Variants in PHF21A observed in about 807,000 individuals in gnomAD.
PHF21A encodes PHD finger protein 21A, also known as BHC80a.
Under a neutral mutation model 82.5 loss-of-function variants are expected in PHF21A, and 11 were observed. The ratio of observed to expected loss-of-function variants is 0.13; its 90% confidence interval spans 0.08 to 0.22. The LOEUF (loss-of-function observed/expected upper bound fraction) is 0.22, where lower values mean the gene tolerates loss of function less well. Among genes scored for constraint, PHF21A ranks in the 10% least tolerant of loss-of-function variants. The probability of loss-of-function intolerance (pLI) is 1.00; values close to 1 mark genes in which losing one functional copy is unlikely to be tolerated. For missense variants in PHF21A, 579 were observed against 837.8 expected, an observed-to-expected ratio of 0.69 and a Z score of 3.81; for synonymous variants, 297 against 302.8, an observed-to-expected ratio of 0.98 and a Z score of 0.20.
At chr11:45,985,741 A>T (rs1471850311) in intron 6 of PHF21A, among the ~76,000 whole-genome samples, 1 of 152,174 alleles carries the variant, frequency 6.6e-6, no homozygotes, top group Non-Finnish European at 1.5e-5. Context: ...AAAAGTACAT[A>T]TCCTTTTAAA....
chr11:46,051,057 C>T (rs1163941208), intron 6 of PHF21A, among the ~76,000 whole-genome samples: 1 of 152,200 alleles, frequency 6.6e-6, no homozygotes, highest in East Asian at 1.9e-4. Context: ...GCAGATTGTA[C>T]TCCTTCCTGG....
chr11:45,955,274 T>A (rs962254093), intron 10 of PHF21A, among the ~76,000 whole-genome samples: 1 of 107,494 alleles, frequency 9.3e-6, no homozygotes, highest in Admixed American at 1.2e-4. Context: ...CTCAAGTCTT[T>A]CTCTCTCCAA....
At chr11:46,042,595 A>C (rs758673710) in intron 6 of PHF21A, among the ~76,000 whole-genome samples, 18 of 152,158 alleles carry the variant, frequency 1.2e-4, no homozygotes, top group Non-Finnish European at 2.4e-4. Context: ...TGACTAGGAC[A>C]TGGTGCTAGA....
In PHF21A at chr11:45,958,396, C is replaced by CA. The variant is rs1159762183; in HGVS notation, c.997-4772dup. On this transcript the variant is annotated intron_variant, in intron 10 of 18. Transcript: ENST00000676320. The stretch of plus-strand genomic sequence containing the variant: ...TGAGCAACATGACAAAACCTGGTCT[C>CA]AAAAAAAAAAAAAAAAAAAAAAAAT... 8.4e-3 allele frequency among the ~76,000 whole-genome samples: 9 copies of CA among 1,066 alleles called. 2 individuals carry two copies. The highest frequency in any genetic ancestry group is 8.9e-3 in the African/African-American group (3 of 338). The allele number at this position is 1,066 out of a possible 152,430, so 0.7% of individuals were successfully genotyped here. A position where few individuals can be genotyped will look rare whatever the true frequency, so the allele number is the denominator to read the frequency against.
At chr11:46,105,851 A>G (rs980853190) in intron 1 of PHF21A, among the ~76,000 whole-genome samples, 3 of 152,256 alleles carry the variant, frequency 2.0e-5, no homozygotes, top group Non-Finnish European at 4.4e-5. Context: ...GATTCTGAAT[A>G]TCTTGATAGG....
At chr11:46,073,359 TAG>T (rs2134825236) in intron 6 of PHF21A, among the ~76,000 whole-genome samples, 1 of 151,964 alleles carries the variant, frequency 6.6e-6, no homozygotes, top group East Asian at 1.9e-4. Context: ...ATTCTCTGAT[TAG>T]AGTGGTTCAT....
intron 6 of PHF21A, among the ~76,000 whole-genome samples, chr11:46,069,643 T>C (rs1415898884): frequency 1.3e-5 from 2 of 152,210 alleles, no homozygotes; most frequent in African/African-American, 4.8e-5. Flanking sequence ...ATTTGATAGA[T>C]AAAGGTCTAC....
intron 6 of PHF21A, among the ~76,000 whole-genome samples, chr11:46,041,520 T>C (rs760843401): frequency 5.1e-4 from 78 of 152,216 alleles, no homozygotes; most frequent in Non-Finnish European, 8.8e-4. Flanking sequence ...TGGTTTCAAT[T>C]ATAGCCAGGC....
rs1452859819 is a variant in PHF21A at position 45,971,905 on chromosome 11, T to TTTTA, written c.361-539_361-538insTAAA. Among the ~76,000 whole-genome samples, 197 of 89,952 alleles carry TTTTA rather than the reference T, an allele frequency of 2.2e-3. 36 individuals are homozygous for TTTTA. The highest frequency in any genetic ancestry group is 7.7e-3 in the African/African-American group (186 of 24,014). 59.0% of individuals were successfully genotyped at this position (89,952 alleles called of 152,430 possible). On this transcript the variant is annotated intron_variant, in intron 7 of 18. Transcript: ENST00000676320. ...CTTTTTCTTTCTTTTTTTTTTTTTT[T>TTTTA]ATGGTGTCACCCTGGAGAGAAGGAA...
chr11:46,016,115 G>A (rs890867632), intron 6 of PHF21A, among the ~76,000 whole-genome samples: 2 of 152,128 alleles, frequency 1.3e-5, no homozygotes, highest in African/African-American at 2.4e-5. Flanking sequence ...AATGTATTAC[G>A]CTACCAAGTA....
intron 16 of PHF21A, 81 bp from the exon 17 acceptor site, chr11:45,936,650 TGGC>T: frequency 4.5e-6 from 4 of 891,566 alleles, no homozygotes; most frequent in Non-Finnish European, 7.5e-6. Context: ...GTGGTATCTG[TGGC>T]TACTGGCAGA....
intron 3 of PHF21A, among the ~76,000 whole-genome samples, chr11:46,086,277 C>A (rs1479957155): frequency 2.6e-5 from 4 of 152,092 alleles, no homozygotes; most frequent in Non-Finnish European, 5.9e-5. Context: ...CGCCACTACA[C>A]CCGGCTAATT....
rs112488690 is a variant in PHF21A, at chr11:45,988,540, A to G, written c.154-8574T>C. Among the ~76,000 whole-genome samples, 22 of 152,356 alleles carry G rather than the reference A, an allele frequency of 1.4e-4. No individual in the cohort carries two copies. In the South Asian group the frequency reaches 2.5e-3, roughly 17 times the overall value. ...TATCACACTCTTGATGCTTAAAATC[A>G]TAATTTAAAAAATCATCTACAGTAA... On this transcript the variant is annotated intron_variant, in intron 6 of 18. Coordinates refer to ENST00000676320, the MANE Select transcript of PHF21A (RefSeq NM_001352027.3).
intron 6 of PHF21A, among the ~76,000 whole-genome samples, chr11:46,070,997 A>G (rs1213575645): frequency 2.0e-5 from 3 of 152,212 alleles, no homozygotes; most frequent in Non-Finnish European, 4.4e-5. Context: ...ATACATGGTT[A>G]AAAATTTTTT....
At position 46,015,374 on chromosome 11, in the gene PHF21A, T is replaced by C. The variant is rs138654557; in HGVS notation, c.154-35408A>G. Among the ~76,000 whole-genome samples, 9 of 152,336 alleles carry C rather than the reference T, an allele frequency of 5.9e-5. No individual in the cohort carries two copies. The East Asian group carries it at 1.7e-3, about 29-fold the overall frequency. ...GGTCCCAAATGTCAATTTTTGTTTT[T>C]GTTACAATTACTTTTGAGGACTTAG... On this transcript the variant is annotated intron_variant, in intron 6 of 18. Coordinates refer to ENST00000676320, the MANE Select transcript of PHF21A (RefSeq NM_001352027.3).
intron 6 of PHF21A, among the ~76,000 whole-genome samples, chr11:46,067,081 TTATG>T (rs1207503424): frequency 6.6e-6 from 1 of 152,216 alleles, no homozygotes; most frequent in Non-Finnish European, 1.5e-5. Flanking sequence ...CTAATGCACC[TTATG>T]TATTACTTAC....
chr11:45,979,650 G>C, intron 7 of PHF21A, 110 bp downstream of exon 7: 1 of 1,482,244 alleles, frequency 6.7e-7, no homozygotes, highest in East Asian at 2.3e-5. Context: ...AATAACTTTT[G>C]TTTAGTTCTA....
chr11:46,073,606 T>C (rs2096683026), intron 6 of PHF21A, among the ~76,000 whole-genome samples: 1 of 152,198 alleles, frequency 6.6e-6, no homozygotes, highest in South Asian at 2.1e-4. Context: ...TGACACTGTT[T>C]TTGCATACGT....
intron 6 of PHF21A, among the ~76,000 whole-genome samples, chr11:46,028,712 TACAGGCGCCCGCC>T (rs1413249449): frequency 6.6e-6 from 1 of 152,028 alleles, no homozygotes; most frequent in African/African-American, 2.4e-5. Flanking sequence ...TAGCTGGGAT[TACAGGCGCCCGCC>T]ACCACGCCCA....
Sources: allele counts gnomAD v4.1 joint callset (sites outside exome capture counted in the v4.1 genomes callset), GRCh38; gene constraint gnomAD v4.1.1; transcripts MANE v1.5; gene names NCBI Gene and HGNC (gene_info 2026-07-23, HGNC 2026-07-21).